The following SLC39A11 variants were observed in gnomAD, a reference collection of about 807,000 sequenced individuals.
The protein encoded by SLC39A11 is solute carrier family 39 member 11.
Under a neutral mutation model 36.1 loss-of-function variants are expected in SLC39A11, and 33 were observed. That is an observed-to-expected ratio of 0.91 (90% CI 0.69 to 1.22). SLC39A11 has a LOEUF of 1.22. Ranked by LOEUF, SLC39A11 falls within the 50% of genes most tolerant of loss-of-function variation. SLC39A11 has a pLI of 0.00. For missense variants in SLC39A11, 432 were observed against 430.3 expected (o/e 1.00, Z -0.03); for synonymous variants, 166 against 170.3 (o/e 0.97, Z 0.20).
chr17:72,956,736 A>G (rs147433941), intron 4 of SLC39A11, among the ~76,000 whole-genome samples: 180 of 152,286 alleles, frequency 1.2e-3, no homozygotes, highest in African/African-American at 4.1e-3. Flanking sequence ...GTGTTTATCA[A>G]TAAAGTTTTT....
At chr17:72,910,625 A>G (rs1331874541) in intron 5 of SLC39A11, among the ~76,000 whole-genome samples, 2 of 140,876 alleles carry the variant, frequency 1.4e-5, no homozygotes, top group Non-Finnish European at 3.1e-5. Flanking sequence ...CTCCGTCTCA[A>G]AAAAAAAAAA....
At chr17:73,075,386 ATC>A (rs2060286397) in intron 3 of SLC39A11, among the ~76,000 whole-genome samples, 1 of 152,192 alleles carries the variant, frequency 6.6e-6, no homozygotes, top group Non-Finnish European at 1.5e-5. Flanking sequence ...CTGACATCTT[ATC>A]TGGGTTTCAT....
intron 4 of SLC39A11, among the ~76,000 whole-genome samples, chr17:72,960,890 G>A (rs567545672): frequency 3.3e-5 from 5 of 152,072 alleles, no homozygotes; most frequent in South Asian, 4.2e-4. Flanking sequence ...GTACACCAGC[G>A]CTTCTATTAC....
At chr17:72,801,000 G>A (rs1178275322) in intron 6 of SLC39A11, among the ~76,000 whole-genome samples, 5 of 152,212 alleles carry the variant, frequency 3.3e-5, no homozygotes, top group African/African-American at 1.2e-4. Context: ...ACTGATACAT[G>A]CTACAACACA....
intron 6 of SLC39A11, among the ~76,000 whole-genome samples, chr17:72,811,725 AAGTTTGTTGGTTT>A (rs1310554457): frequency 6.6e-6 from 1 of 152,208 alleles, no homozygotes; most frequent in Non-Finnish European, 1.5e-5. Context: ...CACTTGGGAA[AAGTTTGTTGGTTT>A]TGTTTTTTAT....
intron 5 of SLC39A11, among the ~76,000 whole-genome samples, chr17:72,940,538 A>G (rs890917069): frequency 1.3e-5 from 2 of 152,204 alleles, no homozygotes; most frequent in Non-Finnish European, 2.9e-5. Flanking sequence ...GGCCTCCCGA[A>G]GTGCTGGGAT....
Position 72,704,047 on chromosome 17 carries a change from G to A in SLC39A11, c.671+32603C>T, listed in dbSNP as rs149625074. 2.9e-3 allele frequency among the ~76,000 whole-genome samples: 441 copies of A among 152,346 alleles called. 2 individuals carry two copies. Among genetic ancestry groups the A allele is most frequent in the Middle Eastern group, 0.01 (3 of 294 alleles). ...GGAGGCTGAGCCATGAGAACCACTC[G>A]AACCTGGGAGGTGGAGGTTGCAGTG... On this transcript the variant is annotated intron_variant, in intron 7 of 9. Transcript: ENST00000255559.
At chr17:72,724,920 TTC>T (rs2073862045) in intron 7 of SLC39A11, among the ~76,000 whole-genome samples, 2 of 152,176 alleles carry the variant, frequency 1.3e-5, no homozygotes, top group African/African-American at 4.8e-5. Flanking sequence ...CTATTCTAAG[TTC>T]TCTCTCTCCA....
chr17:72,893,461 G>GA lies in SLC39A11; in HGVS notation c.431-43658dup, dbSNP rs1040604801. On this transcript the variant is annotated intron_variant, in intron 5 of 9. Transcript: ENST00000255559. Reference sequence around the variant, plus strand: ...GGCGACACAGCAAGACTGTCTCAGGGAAAAAAAATATATATATATAGATAC... The same window carrying GA: ...GGCGACACAGCAAGACTGTCTCAGGGAAAAAAAAATATATATATATAGATAC... 3.6e-4 allele frequency among the ~76,000 whole-genome samples: 54 copies of GA among 150,930 alleles called. No individual in the cohort carries two copies. In the East Asian group the frequency reaches 7.4e-3, roughly 21 times the overall value.
intron 6 of SLC39A11, among the ~76,000 whole-genome samples, chr17:72,840,425 G>A (rs1407575392): frequency 6.6e-6 from 1 of 152,232 alleles, no homozygotes; most frequent in Admixed American, 6.5e-5. Flanking sequence ...GGACCCACAT[G>A]AGTCAATGTC....
intron 4 of SLC39A11, among the ~76,000 whole-genome samples, chr17:72,974,615 A>G (rs77743646): frequency 0.021 from 3,235 of 152,322 alleles, 110 homozygotes; most frequent in African/African-American, 0.069. Context: ...TAAAAATGTT[A>G]CAGTAAGTTA....
chr17:72,867,758 GCGCA>G (rs755324917), intron 5 of SLC39A11, among the ~76,000 whole-genome samples: 2,514 of 137,150 alleles, frequency 0.018, 21 homozygotes, highest in Non-Finnish European at 0.023. Flanking sequence ...TGAAGTGCGC[GCGCA>G]CACACACACA....
At chr17:72,722,609 G>C (rs910579852) in intron 7 of SLC39A11, among the ~76,000 whole-genome samples, 1 of 151,892 alleles carries the variant, frequency 6.6e-6, no homozygotes, top group Non-Finnish European at 1.5e-5. Context: ...CTGATTTCAT[G>C]AACTAATTTC....
At chr17:73,060,613 A>C (rs1289527111) in intron 3 of SLC39A11, among the ~76,000 whole-genome samples, 1 of 152,206 alleles carries the variant, frequency 6.6e-6, no homozygotes, top group Non-Finnish European at 1.5e-5. Context: ...CTGGGCCCTG[A>C]GAAAGCCTCA....
chr17:72,890,346 G>A (rs1004443052), intron 5 of SLC39A11, among the ~76,000 whole-genome samples: 2 of 151,514 alleles, frequency 1.3e-5, no homozygotes, highest in African/African-American at 4.8e-5. Context: ...TATGGTCCCA[G>A]CAAGTTATAA....
chr17:72,856,444 C>T (rs1259094507), intron 5 of SLC39A11, among the ~76,000 whole-genome samples: 2 of 152,150 alleles, frequency 1.3e-5, no homozygotes, highest in African/African-American at 4.8e-5. Context: ...TTCCTGTGAT[C>T]CGCTTAGGTT....
intron 7 of SLC39A11, among the ~76,000 whole-genome samples, chr17:72,652,076 A>C (rs561470681): frequency 1.0e-3 from 153 of 152,338 alleles, no homozygotes; most frequent in African/African-American, 3.4e-3. Context: ...TCTCTGTTGC[A>C]ACCACTCAAC....
chr17:72,916,894 C>G (rs2083367129), intron 5 of SLC39A11, among the ~76,000 whole-genome samples: 1 of 152,236 alleles, frequency 6.6e-6, no homozygotes, highest in African/African-American at 2.4e-5. Flanking sequence ...GGAATACCCA[C>G]ACGTTCCACA....
intron 7 of SLC39A11, among the ~76,000 whole-genome samples, chr17:72,684,668 C>G (rs1009784292): frequency 6.6e-6 from 1 of 152,210 alleles, no homozygotes. Flanking sequence ...ATGATTATGA[C>G]TTTGGTGAGT....
Sources: gnomAD v4.1 joint callset for allele counts (sites outside exome capture counted in the v4.1 genomes callset) on GRCh38, gnomAD v4.1.1 for gene constraint, MANE v1.5 for transcripts, NCBI Gene and HGNC (gene_info 2026-07-23, HGNC 2026-07-21) for gene names.